Variants in ATXN7L1 observed in about 807,000 individuals in gnomAD.
The protein encoded by ATXN7L1 is ataxin 7 like 1.
ATXN7L1 carries 15 observed loss-of-function variants against 70.8 expected under a neutral mutation model. That is an observed-to-expected ratio of 0.21 (90% CI 0.14 to 0.33). The LOEUF is 0.33. ATXN7L1 is among the 10% of genes least tolerant of loss of function. ATXN7L1 has a pLI of 1.00. For missense variants in ATXN7L1, 975 were observed against 1,097.1 expected, an observed-to-expected ratio of 0.89 and a Z score of 1.57; for synonymous variants, 440 against 445.1, an observed-to-expected ratio of 0.99 and a Z score of 0.14.
At chr7:105,632,160 T>C (rs1317577529) in intron 7 of ATXN7L1, among the ~76,000 whole-genome samples, 1 of 152,132 alleles carries the variant, frequency 6.6e-6, no homozygotes, top group African/African-American at 2.4e-5. Context: ...GCATCCCCAG[T>C]GTGAGACTGC....
intron 11 of ATXN7L1, among the ~76,000 whole-genome samples, chr7:105,609,713 C>T (rs1198189512): frequency 4.7e-5 from 7 of 150,462 alleles, no homozygotes; most frequent in African/African-American, 9.8e-5. Context: ...CCTCCTGCCT[C>T]GGCCTCCCAA....
At chr7:105,833,262 C>T (rs186408434) in intron 2 of ATXN7L1, among the ~76,000 whole-genome samples, 3 of 152,266 alleles carry the variant, frequency 2.0e-5, no homozygotes, top group Admixed American at 2.0e-4. Context: ...TGACCACCCA[C>T]AGCCCCTCAC....
intron 3 of ATXN7L1, chr7:105,761,313 C>T: frequency 1.2e-6 from 2 of 1,608,810 alleles, no homozygotes; most frequent in South Asian, 2.2e-5. Flanking sequence ...AGGAAGCCGT[C>T]TCCAGACAAT....
chr7:105,840,085 C>A (rs1390258853), intron 2 of ATXN7L1, among the ~76,000 whole-genome samples: 1 of 152,160 alleles, frequency 6.6e-6, no homozygotes, highest in East Asian at 1.9e-4. Flanking sequence ...CTGTGGAGAG[C>A]ACAGGGACTC....
intron 3 of ATXN7L1, among the ~76,000 whole-genome samples, chr7:105,772,304 C>T (rs566139307): frequency 3.9e-5 from 6 of 151,982 alleles, no homozygotes; most frequent in African/African-American, 1.5e-4. Flanking sequence ...GAACTCCTGA[C>T]GTCAGGTGAT....
chr7:105,835,987 A>G (rs1446130741), intron 2 of ATXN7L1, among the ~76,000 whole-genome samples: 1 of 152,208 alleles, frequency 6.6e-6, no homozygotes, highest in Non-Finnish European at 1.5e-5. Flanking sequence ...GAGAGGGTAA[A>G]GAAGTCTTCA....
intron 2 of ATXN7L1, among the ~76,000 whole-genome samples, chr7:105,842,894 T>C (rs879499100): frequency 3.9e-5 from 6 of 152,206 alleles, no homozygotes; most frequent in Admixed American, 6.5e-5. Context: ...TATAGTATTA[T>C]AGCCATCCTA....
chr7:105,633,649 G>A (rs1322544749), intron 7 of ATXN7L1, among the ~76,000 whole-genome samples: 8 of 152,078 alleles, frequency 5.3e-5, no homozygotes, highest in Admixed American at 5.2e-4. Context: ...GAATCCGTGA[G>A]GTGGAGGTTG....
At chr7:105,664,224 GC>G (rs1380921947) in intron 4 of ATXN7L1, among the ~76,000 whole-genome samples, 2 of 151,912 alleles carry the variant, frequency 1.3e-5, no homozygotes, top group Admixed American at 6.6e-5. Context: ...TGCGGGTAGG[GC>G]CGTGGTCTTG....
chr7:105,622,595 A>G (rs1485149627), intron 8 of ATXN7L1, among the ~76,000 whole-genome samples: 1 of 152,308 alleles, frequency 6.6e-6, no homozygotes, highest in East Asian at 1.9e-4. Context: ...GATATCTGAC[A>G]CAGAGCAGTA....
intron 7 of ATXN7L1, among the ~76,000 whole-genome samples, chr7:105,628,745 A>G (rs953820502): frequency 6.6e-6 from 1 of 151,954 alleles, no homozygotes; most frequent in East Asian, 1.9e-4. Flanking sequence ...GTGAGCCGAG[A>G]TCGCGCCACT....
intron 3 of ATXN7L1, among the ~76,000 whole-genome samples, chr7:105,702,110 G>C (rs1792534995): frequency 6.6e-6 from 1 of 152,204 alleles, no homozygotes; most frequent in Non-Finnish European, 1.5e-5. Flanking sequence ...AACAATGTTA[G>C]TTTAAAGATG....
At chr7:105,794,484 A>G (rs1220594413) in intron 2 of ATXN7L1, among the ~76,000 whole-genome samples, 1 of 152,234 alleles carries the variant, frequency 6.6e-6, no homozygotes, top group Non-Finnish European at 1.5e-5. Context: ...GCTGGTTGTT[A>G]AAACATTTAC....
intron 3 of ATXN7L1, among the ~76,000 whole-genome samples, chr7:105,779,569 C>T (rs1216384234): frequency 6.6e-6 from 1 of 152,112 alleles, no homozygotes; most frequent in Admixed American, 6.6e-5. Context: ...TTGAGATTTT[C>T]CTAGGGTCCA....
rs1337073672 is a variant in ATXN7L1, at chr7:105,614,408, G to A, written c.1926C>T (p.Asn642=). Residue 642 remains asparagine, a synonymous_variant, in exon 10 of 12, where the codon AAC becomes AAT. Transcript: ENST00000419735. This position sits in a 1 kb window ranked among gnomAD's most constrained non-coding sequence, Gnocchi z 4.3. The part of the protein sequence containing the change: ...LSTRSDESPS[N]KKRKPQSSTS... ...TCGAAGACTGTGGCTTCCTTTTTTT[G>A]TTACTTGGAGACTCGTCGCTACGGG... 2 of 1,551,608 alleles carry A rather than the reference G, an allele frequency of 1.3e-6. No individual in the cohort carries two copies. The highest frequency in any genetic ancestry group is 2.7e-5 in the African/African-American group (2 of 73,022).
chr7:105,670,146 C>T (rs12540205), intron 3 of ATXN7L1, among the ~76,000 whole-genome samples: 53,795 of 151,842 alleles, frequency 0.35, 10,224 homozygotes, highest in Admixed American at 0.45. Flanking sequence ...GGTGAGGAGG[C>T]GGGTTAGGTT....
At chr7:105,665,401 C>T in intron 3 of ATXN7L1, 113 bp from the exon 4 acceptor site, 1 of 808,602 alleles carries the variant, frequency 1.2e-6, no homozygotes, top group Non-Finnish European at 2.0e-6. Flanking sequence ...TTCCCTACAG[C>T]ACTGGCATTC....
intron 3 of ATXN7L1, among the ~76,000 whole-genome samples, chr7:105,700,812 G>A (rs563319031): frequency 6.6e-6 from 1 of 152,044 alleles, no homozygotes; most frequent in East Asian, 1.9e-4. Context: ...CTCCCCAGTA[G>A]CTGCGACTAC....
chr7:105,744,660 G>A (rs1264853839), intron 3 of ATXN7L1, among the ~76,000 whole-genome samples: 2 of 151,096 alleles, frequency 1.3e-5, no homozygotes, highest in African/African-American at 4.9e-5. Flanking sequence ...AAACATGAAG[G>A]CCATGAATGA....
Sources: allele counts gnomAD v4.1 joint callset (sites outside exome capture counted in the v4.1 genomes callset), GRCh38; gene constraint gnomAD v4.1.1; non-coding constraint Gnocchi (gnomAD v3.1); transcripts MANE v1.5; gene names NCBI Gene and HGNC (gene_info 2026-07-23, HGNC 2026-07-21).